Variants in KIAA1549 observed in about 807,000 individuals in gnomAD.
The protein encoded by KIAA1549 is KIAA1549.
A neutral mutation model predicts 156.4 loss-of-function variants in KIAA1549; 70 were observed. The observed-to-expected ratio is 0.45, with a 90% CI of 0.37 to 0.55. KIAA1549 has a LOEUF of 0.55. Among genes scored for constraint, KIAA1549 ranks in the 20% least tolerant of loss-of-function variants. The pLI, the probability that KIAA1549 is intolerant of heterozygous loss-of-function variation, is 0.00. For synonymous variants in KIAA1549, 1,103 were observed against 1,066.4 expected (o/e 1.03, Z -0.67); for missense variants, 2,428 against 2,540.9 (o/e 0.96, Z 0.96).
intron 1 of KIAA1549, among the ~76,000 whole-genome samples, chr7:138,955,414 T>C (rs74836887): frequency 2.6e-5 from 4 of 151,890 alleles, no homozygotes; most frequent in African/African-American, 7.3e-5. Context: ...AGGAGGTACA[T>C]AGAGGAGTCA....
At chr7:138,861,682 C>CA (rs1810587030) in intron 15 of KIAA1549, among the ~76,000 whole-genome samples, 1 of 149,104 alleles carries the variant, frequency 6.7e-6, no homozygotes, top group Admixed American at 6.7e-5. Flanking sequence ...TGAGACCCCC[C>CA]CCATCTCTAA....
At position 138,918,875 on chromosome 7, in the gene KIAA1549, C is replaced by T. The variant is rs1200936464; in HGVS notation, c.751G>A (p.Val251Met). 3 of 1,614,004 alleles carry T rather than the reference C, an allele frequency of 1.9e-6. No individual in the cohort carries two copies. The African/African-American group carries it at 4.0e-5, about 22-fold the overall frequency. ...GIVPTPGRNL[V>M]LYPTDAYSHL... ...CTGTAAGCATCAGTAGGATAAAGCACCAAATTCCTGCCAGGAGTTGGAACG... is the reference window on the plus strand; with the variant it reads ...CTGTAAGCATCAGTAGGATAAAGCATCAAATTCCTGCCAGGAGTTGGAACG... Residue 251 changes from valine (V) to methionine (M), a missense_variant, in exon 2 of 20, where the codon GTG (valine) becomes ATG (methionine). Around this residue, in one of 5 missense-constraint regions of KIAA1549, gnomAD observed 893 missense variants for 847.9 expected, o/e 1.05. Transcript: ENST00000422774. The surrounding 1 kb of genome is among the most constrained non-coding windows in gnomAD (Gnocchi z 4.2).
chr7:138,845,714 T>A lies in KIAA1549; in HGVS notation c.5295-1240A>T, dbSNP rs557992329. On this transcript the variant is annotated intron_variant, in intron 17 of 19. Coordinates refer to ENST00000422774, the MANE Select transcript of KIAA1549 (RefSeq NM_001164665.2). Reference sequence around the variant, plus strand: ...CCATTCATTAATCTCATCATCAAACTCATCCAGAAAAGTCTCTCGGTGCTA... The same window carrying A: ...CCATTCATTAATCTCATCATCAAACACATCCAGAAAAGTCTCTCGGTGCTA... Among the ~76,000 whole-genome samples the A allele has an allele frequency of 2.0e-5, 3 of 152,250 alleles. No individual in the cohort carries two copies. The South Asian group carries it at 6.2e-4, about 32-fold the overall frequency.
At chr7:138,902,805 T>C (rs1811879127) in intron 8 of KIAA1549, among the ~76,000 whole-genome samples, 1 of 151,676 alleles carries the variant, frequency 6.6e-6, no homozygotes, top group Non-Finnish European at 1.5e-5. Context: ...CGAGACTCTG[T>C]CTCAAGAAAA....
chr7:138,879,332 G>A (rs1584725176), intron 12 of KIAA1549, among the ~76,000 whole-genome samples: 1 of 152,140 alleles, frequency 6.6e-6, no homozygotes, highest in African/African-American at 2.4e-5. Context: ...ACCTTAAGAC[G>A]TACCCCAGTG....
intron 1 of KIAA1549, among the ~76,000 whole-genome samples, chr7:138,946,422 G>A (rs545540200): frequency 5.9e-5 from 9 of 152,170 alleles, no homozygotes; most frequent in East Asian, 1.9e-4. Context: ...TCTTTCTTTC[G>A]CTTGGCTATG....
At chr7:138,871,045 G>C (rs184743259) in intron 13 of KIAA1549, 112 bp downstream of exon 13, 2 of 969,798 alleles carry the variant, frequency 2.1e-6, no homozygotes, top group East Asian at 5.3e-5. Flanking sequence ...TCAAACTCCC[G>C]ACCTCAGGCG....
rs1396711168 is a variant in KIAA1549 at position 138,883,103 on chromosome 7, AAAAAAAAAAAAAAAT to A, written c.4033-1534_4033-1520del. Among the ~76,000 whole-genome samples the A allele has an allele frequency of 9.7e-4, 140 of 145,004 alleles. 4 individuals are homozygous for A. The highest frequency in any genetic ancestry group is 3.4e-3 in the African/African-American group (131 of 38,364). On this transcript the variant is annotated intron_variant, in intron 10 of 19. Transcript: ENST00000422774. Reference sequence around the variant, plus strand: ...CCCATCTCCCCTAAAAAAAAAAAAAAAAAAAAAAAAAAAATTCAGCCAGACATGGTATGGTGGTGC... The same window carrying A: ...CCCATCTCCCCTAAAAAAAAAAAAAATCAGCCAGACATGGTATGGTGGTGC...
chr7:138,926,164 T>C (rs1172396409), intron 1 of KIAA1549, among the ~76,000 whole-genome samples: 2 of 152,242 alleles, frequency 1.3e-5, no homozygotes, highest in Non-Finnish European at 2.9e-5. Flanking sequence ...TCTGTGGCTA[T>C]GAAATCTACT....
intron 1 of KIAA1549, among the ~76,000 whole-genome samples, chr7:138,951,679 C>T (rs1347001662): frequency 6.6e-6 from 1 of 152,204 alleles, no homozygotes; most frequent in Non-Finnish European, 1.5e-5. Context: ...TAACCAGTCA[C>T]TCCTCTAAGA....
chr7:138,861,678 C>G (rs1474802543), intron 15 of KIAA1549, among the ~76,000 whole-genome samples: 6 of 148,498 alleles, frequency 4.0e-5, no homozygotes, highest in South Asian at 2.2e-4. Context: ...AAAGTGAGAC[C>G]CCCCCCATCT....
intron 1 of KIAA1549, among the ~76,000 whole-genome samples, chr7:138,936,304 C>T (rs886588757): frequency 2.0e-5 from 3 of 152,168 alleles, no homozygotes; most frequent in Non-Finnish European, 2.9e-5. Context: ...ATCCAACAGG[C>T]TCCTAAAAAA....
At chr7:138,950,457 C>T (rs184334991) in intron 1 of KIAA1549, among the ~76,000 whole-genome samples, 3 of 152,222 alleles carry the variant, frequency 2.0e-5, no homozygotes, top group East Asian at 3.9e-4. Flanking sequence ...TTCACTTAAG[C>T]GTGCAGGGAG....
chr7:138,930,107 T>C (rs1476047135), intron 1 of KIAA1549, among the ~76,000 whole-genome samples: 4 of 152,190 alleles, frequency 2.6e-5, no homozygotes, highest in Non-Finnish European at 5.9e-5. Flanking sequence ...ATAAGAGTTA[T>C]TGGGTGACTA....
chr7:138,861,122 A>G lies in KIAA1549; in HGVS notation c.5247+17T>C. 1 of 1,612,796 alleles carries G rather than the reference A, an allele frequency of 6.2e-7. No individual in the cohort carries two copies. Among genetic ancestry groups the G allele is most frequent in the Non-Finnish European group, 8.5e-7 (1 of 1,179,228 alleles). ...AACATCTTGCCCATCAGAGAATTCT[A>G]GAAGGCCAGTACTTACACTGCAGGG... On this transcript the variant is annotated intron_variant, in intron 16 of 19. Transcript: ENST00000422774.
intron 19 of KIAA1549, among the ~76,000 whole-genome samples, chr7:138,839,548 T>C (rs1809845149): frequency 6.6e-6 from 1 of 152,170 alleles, no homozygotes. Flanking sequence ...TATACAGCAA[T>C]CCCGCCAAAC....
At chr7:138,858,155 CTT>C (rs1466657643) in intron 16 of KIAA1549, among the ~76,000 whole-genome samples, 1 of 151,836 alleles carries the variant, frequency 6.6e-6, no homozygotes, top group Non-Finnish European at 1.5e-5. Context: ...GAGTCTCACT[CTT>C]TTGCCCAGGC....
At chr7:138,972,780 C>T (rs1814257616) in intron 1 of KIAA1549, among the ~76,000 whole-genome samples, 1 of 151,896 alleles carries the variant, frequency 6.6e-6, no homozygotes, top group African/African-American at 2.4e-5. Flanking sequence ...GCCATGAGGT[C>T]CTTCCTTCTA....
At chr7:138,872,530 C>T (rs1810969233) in intron 12 of KIAA1549, among the ~76,000 whole-genome samples, 1 of 152,056 alleles carries the variant, frequency 6.6e-6, no homozygotes, top group Non-Finnish European at 1.5e-5. Flanking sequence ...TAGAGATAAT[C>T]CCAATACACT....
Sources: gnomAD v4.1 joint callset for allele counts (sites outside exome capture counted in the v4.1 genomes callset) on GRCh38, gnomAD v4.1.1 for gene constraint, gnomAD v4.1.1 regional missense constraint, Gnocchi (gnomAD v3.1) non-coding constraint, MANE v1.5 for transcripts, NCBI Gene and HGNC (gene_info 2026-07-23, HGNC 2026-07-21) for gene names.